ZC3H18: variants seen among roughly 807,000 people sequenced by gnomAD.
The protein encoded by ZC3H18 is zinc finger CCCH domain-containing protein 18.
A neutral mutation model predicts 106.1 loss-of-function variants in ZC3H18; 8 were observed. That is an observed-to-expected ratio of 0.08 (90% CI 0.04 to 0.14). The LOEUF (loss-of-function observed/expected upper bound fraction) is 0.14. Ranked by LOEUF, ZC3H18 falls within the 10% of genes least tolerant of loss-of-function variation. ZC3H18 has a pLI of 1.00. For missense variants in ZC3H18, 1,318 were observed against 1,278.4 expected (o/e 1.03, Z -0.47); for synonymous variants, 635 against 522.1 (o/e 1.22, Z -2.95).
chr16:88,623,471 A>G, intron 10 of ZC3H18, 127 bp downstream of exon 10: 1 of 1,307,030 alleles, frequency 7.7e-7, no homozygotes, highest in Non-Finnish European at 1.0e-6. Flanking sequence ...CAGCTGAACT[A>G]GGATGGCCAG....
At chr16:88,615,566 C>T (rs1597351488) in intron 8 of ZC3H18, among the ~76,000 whole-genome samples, 1 of 152,172 alleles carries the variant, frequency 6.6e-6, no homozygotes, top group South Asian at 2.1e-4. Context: ...GCTAAAATTG[C>T]ACATTGATTT....
At chr16:88,621,584 C>T (rs1905965508) in intron 8 of ZC3H18, among the ~76,000 whole-genome samples, 1 of 151,846 alleles carries the variant, frequency 6.6e-6, no homozygotes, top group Admixed American at 6.6e-5. Context: ...TCTCGAACTC[C>T]TGACCTCATG....
At chr16:88,605,323 C>T (rs1438535377) in intron 6 of ZC3H18, among the ~76,000 whole-genome samples, 1 of 152,246 alleles carries the variant, frequency 6.6e-6, no homozygotes, top group Non-Finnish European at 1.5e-5. Flanking sequence ...CTCTGCATGC[C>T]TTTGGGGACC....
chr16:88,611,363 C>A lies in ZC3H18; in HGVS notation c.1302C>A (p.Arg434=), dbSNP rs545485000. 9.9e-5 allele frequency: 93 copies of A among 943,408 alleles called. No individual in the cohort carries two copies. The Admixed American group carries it at 1.8e-3, about 19-fold the overall frequency. 58.4% of individuals were successfully genotyped at this position (943,408 alleles called of 1,614,324 possible). The change falls in exon 8 of 18, where the codon CGC becomes CGA. Residue 434 remains arginine (R), a synonymous_variant. Coordinates refer to ENST00000301011, the MANE Select transcript of ZC3H18 (RefSeq NM_144604.4). ...DRERERRQRE[R]ERERERERDK... ...AGCGGGAGCGCCGGCAGAGGGAGCG[C>A]GAGCGAGAGCGGGAGCGCGAGCGCG...
chr16:88,570,766 G>C (rs1914345816), intron 1 of ZC3H18, among the ~76,000 whole-genome samples, 200 bp downstream of exon 1: 1 of 151,666 alleles, frequency 6.6e-6, no homozygotes, highest in Admixed American at 6.6e-5. Flanking sequence ...AGTTCCGTCC[G>C]TAAGCCGGCC....
chr16:88,617,852 T>C (rs1204388697), intron 8 of ZC3H18, among the ~76,000 whole-genome samples: 1 of 152,200 alleles, frequency 6.6e-6, no homozygotes, highest in Non-Finnish European at 1.5e-5. Flanking sequence ...TCATGCTCAG[T>C]TTTTTGGGCT....
rs183567261 is a variant in ZC3H18, at chr16:88,622,343, G to C, written c.1622G>C (p.Arg541Pro). 2 of 1,613,332 alleles carry C rather than the reference G, an allele frequency of 1.2e-6. No individual in the cohort carries two copies. Among genetic ancestry groups the C allele is most frequent in the African/African-American group, 2.7e-5 (2 of 74,928 alleles). Reference sequence around the variant, plus strand: ...GTCTCCCCGAGCCGGGCTCGAAGGCGTCGGAAAACATCAGCCTCGTCAGCC... The same window carrying C: ...GTCTCCCCGAGCCGGGCTCGAAGGCCTCGGAAAACATCAGCCTCGTCAGCC... ...VSVSPSRARR[R>P]RKTSASSASA... Residue 541 changes from arginine (R) to proline (P), a missense_variant, in exon 9 of 18, where the codon CGT (arginine) becomes CCT (proline). By Grantham distance (103) the Arg-to-Pro change is moderately radical. Coordinates refer to ENST00000301011, the MANE Select transcript of ZC3H18 (RefSeq NM_144604.4).
chr16:88,593,296 C>T (rs1904305287), intron 3 of ZC3H18, among the ~76,000 whole-genome samples: 1 of 152,200 alleles, frequency 6.6e-6, no homozygotes, highest in Non-Finnish European at 1.5e-5. Flanking sequence ...CACCGCCGTA[C>T]CCCCAACGGT....
chr16:88,581,851 A>C (rs1191290801), intron 2 of ZC3H18, among the ~76,000 whole-genome samples: 1 of 152,180 alleles, frequency 6.6e-6, no homozygotes, highest in Non-Finnish European at 1.5e-5. Context: ...CAGCCTGGCG[A>C]GGCTCTGATT....
chr16:88,621,645 C>T lies in ZC3H18; in HGVS notation c.1476-552C>T, dbSNP rs1007411155. 7.2e-5 allele frequency among the ~76,000 whole-genome samples: 11 copies of T among 152,238 alleles called. No individual in the cohort carries two copies. The South Asian group carries it at 8.3e-4, about 12-fold the overall frequency. On this transcript the variant is annotated intron_variant, in intron 8 of 17. Coordinates refer to ENST00000301011, the MANE Select transcript of ZC3H18 (RefSeq NM_144604.4). Reference sequence around the variant, plus strand: ...TGCTGGGATTACAGGCATGAGCCATCGCGCCCAGCCTAATTTTTGTATTTT... The same window carrying T: ...TGCTGGGATTACAGGCATGAGCCATTGCGCCCAGCCTAATTTTTGTATTTT...
At chr16:88,592,594 C>A (rs1189551017) in intron 3 of ZC3H18, among the ~76,000 whole-genome samples, 1 of 152,226 alleles carries the variant, frequency 6.6e-6, no homozygotes, top group Non-Finnish European at 1.5e-5. Context: ...CCTGCCTCAG[C>A]CTCCCGAGTA....
intron 3 of ZC3H18, among the ~76,000 whole-genome samples, chr16:88,591,268 C>T (rs192824277): frequency 6.6e-6 from 1 of 151,840 alleles, no homozygotes; most frequent in African/African-American, 2.4e-5. Context: ...CTGCACCTGG[C>T]CTTCTGTCTT....
intron 8 of ZC3H18, among the ~76,000 whole-genome samples, chr16:88,621,149 A>G (rs575889284): frequency 6.6e-6 from 1 of 152,104 alleles, no homozygotes; most frequent in Non-Finnish European, 1.5e-5. Context: ...GTTTCAAGCA[A>G]TTCTCCTGCC....
At position 88,631,693 on chromosome 16, in the gene ZC3H18, C is replaced by T. The variant is rs983708946; in HGVS notation, c.*394C>T. ...CCAGGCTCCCTCCTGAGCTGAGAAA[C>T]GGAACCTCGCGAACCACTGGTGGCA... is the stretch of plus-strand genomic sequence containing the variant. On this transcript the variant is annotated 3_prime_UTR_variant, in exon 18 of 18. Transcript: ENST00000301011. 42 of 455,840 alleles carry T rather than the reference C, an allele frequency of 9.2e-5. No individual in the cohort carries two copies. The highest frequency in any genetic ancestry group is 6.6e-4 in the African/African-American group (33 of 50,036). 28.2% of individuals were successfully genotyped at this position (455,840 alleles called of 1,614,324 possible).
chr16:88,608,793 C>G (rs1293849694), intron 6 of ZC3H18, 141 bp from the exon 7 acceptor site: 3 of 613,028 alleles, frequency 4.9e-6, no homozygotes, highest in Non-Finnish European at 8.6e-6. Flanking sequence ...AACAGATTTC[C>G]TAACCTTGAG....
intron 3 of ZC3H18, among the ~76,000 whole-genome samples, chr16:88,595,618 C>T (rs543406774): frequency 7.9e-4 from 119 of 151,472 alleles, no homozygotes; most frequent in Non-Finnish European, 1.4e-3. Flanking sequence ...ACCAGCCTGG[C>T]TAACATGGCG....
intron 12 of ZC3H18, 56 bp from the exon 13 acceptor site, chr16:88,625,146 C>A: frequency 1.3e-6 from 2 of 1,545,826 alleles, no homozygotes; most frequent in Non-Finnish European, 1.8e-6. Context: ...GGAGGGGAGG[C>A]CGCGAGGGGC....
At chr16:88,620,048 G>A (rs778071193) in intron 8 of ZC3H18, among the ~76,000 whole-genome samples, 67 of 152,220 alleles carry the variant, frequency 4.4e-4, no homozygotes, top group Non-Finnish European at 8.4e-4. Context: ...GTGATGTCGC[G>A]TGTCCGTGTC....
At chr16:88,583,102 G>A (rs551026542) in intron 2 of ZC3H18, among the ~76,000 whole-genome samples, 99 of 152,342 alleles carry the variant, frequency 6.5e-4, no homozygotes, top group African/African-American at 2.3e-3. Context: ...CCGGCTGCTC[G>A]GCTTCCTCTG....
Sources: gnomAD v4.1 joint callset for allele counts (sites outside exome capture counted in the v4.1 genomes callset) on GRCh38, gnomAD v4.1.1 for gene constraint, MANE v1.5 for transcripts, NCBI Gene and HGNC (gene_info 2026-07-23, HGNC 2026-07-21) for gene names.